RNF217: variants seen among roughly 807,000 people sequenced by gnomAD.
RNF217 encodes ring finger protein 217, also known as E3 ubiquitin-protein ligase RNF217.
RNF217 carries 31 observed loss-of-function variants against 57.8 expected under a neutral mutation model. That is an observed-to-expected ratio of 0.54 (90% CI 0.40 to 0.72). The LOEUF is 0.72. Among genes scored for constraint, RNF217 ranks in the 30% least tolerant of loss-of-function variants. The pLI, the probability that RNF217 is intolerant of heterozygous loss-of-function variation, is 0.00. For missense variants in RNF217, 696 were observed against 708.3 expected (o/e 0.98, Z 0.20); for synonymous variants, 313 against 294.0 (o/e 1.06, Z -0.66).
chr6:125,021,991 C>T (rs1303844258), intron 1 of RNF217, among the ~76,000 whole-genome samples: 2 of 151,924 alleles, frequency 1.3e-5, no homozygotes, highest in Non-Finnish European at 2.9e-5. Context: ...AAGCCATTCT[C>T]CTGCCTCAGC....
chr6:125,028,761 A>G (rs899676383), intron 1 of RNF217, among the ~76,000 whole-genome samples: 3 of 152,064 alleles, frequency 2.0e-5, no homozygotes, highest in African/African-American at 7.2e-5. Flanking sequence ...GCTTTTTAAA[A>G]TAAGGTTTTT....
At chr6:125,036,379 A>G (rs1419273171) in intron 1 of RNF217, among the ~76,000 whole-genome samples, 4 of 152,174 alleles carry the variant, frequency 2.6e-5, no homozygotes, top group Non-Finnish European at 5.9e-5. Flanking sequence ...TAGTGCTGCA[A>G]TAAACATACG....
At chr6:124,969,384 T>A (rs1170410066) in intron 1 of RNF217, among the ~76,000 whole-genome samples, 1 of 152,198 alleles carries the variant, frequency 6.6e-6, no homozygotes, top group African/African-American at 2.4e-5. Context: ...ATTCAGTTTG[T>A]CAGAAGGGTT....
At chr6:125,000,999 C>G (rs1309209348) in intron 1 of RNF217, among the ~76,000 whole-genome samples, 1 of 151,956 alleles carries the variant, frequency 6.6e-6, no homozygotes, top group Non-Finnish European at 1.5e-5. Flanking sequence ...CTAAAATGAC[C>G]TTGGAATATA....
In RNF217 at chr6:125,070,598, G is replaced by A. The variant is rs192373361; in HGVS notation, c.1282-6059G>A. 1.8e-4 allele frequency among the ~76,000 whole-genome samples: 28 copies of A among 152,254 alleles called. No individual in the cohort carries two copies. In the East Asian group the frequency reaches 4.8e-3, roughly 26 times the overall value. On this transcript the variant is annotated intron_variant, in intron 3 of 5. Coordinates refer to ENST00000521654, the MANE Select transcript of RNF217 (RefSeq NM_001286398.3). ...AATTTGCATTTCCCTGATAATTAGT[G>A]ATGCTGAGCATTTTTTCATATGTTT...
chr6:125,053,077 C>G (rs942962302), intron 2 of RNF217, among the ~76,000 whole-genome samples: 1 of 152,054 alleles, frequency 6.6e-6, no homozygotes, highest in Non-Finnish European at 1.5e-5. Flanking sequence ...GATGGACCCT[C>G]TATTCAAAGT....
At chr6:125,004,814 G>A (rs1486256652) in intron 1 of RNF217, among the ~76,000 whole-genome samples, 1 of 152,138 alleles carries the variant, frequency 6.6e-6, no homozygotes, top group African/African-American at 2.4e-5. Flanking sequence ...AACTATACAG[G>A]TTTTTTCAGT....
Position 124,963,276 on chromosome 6 carries a change from C to CTA in RNF217, c.733_734dup (p.Ser246ThrfsTer7). 3 of 1,535,998 alleles carry CTA rather than the reference C, an allele frequency of 2.0e-6. No homozygotes were observed. Among genetic ancestry groups the CTA allele is most frequent in the Non-Finnish European group, 2.6e-6 (3 of 1,146,842 alleles). Reference sequence around the variant, plus strand: ...TGCCCAGCCTGTTGGGAGCTCCACCCTACTCTGGCCTGGGCGGTGTAGGGG... The same window carrying CTA: ...TGCCCAGCCTGTTGGGAGCTCCACCCTATACTCTGGCCTGGGCGGTGTAGGGG... On this transcript the variant is annotated frameshift_variant, in exon 1 of 6. Coordinates refer to ENST00000521654, the MANE Select transcript of RNF217 (RefSeq NM_001286398.3). LOFTEE classifies it high-confidence loss of function.
At chr6:125,069,853 A>G (rs1054373803) in intron 3 of RNF217, among the ~76,000 whole-genome samples, 3 of 149,542 alleles carry the variant, frequency 2.0e-5, no homozygotes, top group African/African-American at 4.9e-5. Context: ...GTGAAATCTC[A>G]GGGGATTTTT....
At chr6:125,019,511 T>C (rs1785742292) in intron 1 of RNF217, among the ~76,000 whole-genome samples, 1 of 152,230 alleles carries the variant, frequency 6.6e-6, no homozygotes, top group Admixed American at 6.5e-5. Flanking sequence ...CTTATATGAC[T>C]ATTACATTCC....
chr6:125,073,665 G>A (rs573832426), intron 3 of RNF217, among the ~76,000 whole-genome samples: 1 of 152,192 alleles, frequency 6.6e-6, no homozygotes, highest in Admixed American at 6.5e-5. Context: ...CCACACACTT[G>A]CCTATCTAGG....
chr6:125,027,074 A>T (rs1403669914), intron 1 of RNF217, among the ~76,000 whole-genome samples: 1 of 151,992 alleles, frequency 6.6e-6, no homozygotes, highest in African/African-American at 2.4e-5. Context: ...AGCTGTTTTG[A>T]TGTAAGCATG....
chr6:124,976,263 C>T, intron 1 of RNF217, among the ~76,000 whole-genome samples: 1 of 125,616 alleles, frequency 8.0e-6, no homozygotes, highest in Non-Finnish European at 1.7e-5. Context: ...CCCTCCCTCC[C>T]TCCCTCCCTC....
chr6:125,046,473 G>A (rs940982335), intron 2 of RNF217: 25 of 408,770 alleles, frequency 6.1e-5, no homozygotes, highest in Non-Finnish European at 8.3e-5. Flanking sequence ...AGTGCCCCAG[G>A]CCCACCCCAG....
At chr6:125,044,567 A>G (rs980063496) in intron 1 of RNF217, among the ~76,000 whole-genome samples, 2 of 152,068 alleles carry the variant, frequency 1.3e-5, no homozygotes, top group Non-Finnish European at 2.9e-5. Flanking sequence ...GCCAGATTTC[A>G]TAAGGATGTT....
At position 125,086,461 on chromosome 6, in the gene RNF217, A is replaced by C. The variant is rs947673359; in HGVS notation, c.*3524A>C. 3 of 152,096 alleles carry C rather than the reference A, an allele frequency of 2.0e-5. No individual in the cohort carries two copies. The highest frequency in any genetic ancestry group is 4.4e-5 in the Non-Finnish European group (3 of 67,998). 9.4% of individuals were successfully genotyped at this position (152,096 alleles called of 1,614,324 possible). A position where few individuals can be genotyped will look rare whatever the true frequency, so the allele number is the denominator to read the frequency against. On this transcript the variant is annotated 3_prime_UTR_variant, in exon 6 of 6. Coordinates refer to ENST00000521654, the MANE Select transcript of RNF217 (RefSeq NM_001286398.3). ...TGATACTTTTCGCATTTTTAGTAACACTATCCACTTTTGTGTATGTTGCTT... is the reference window on the plus strand; with the variant it reads ...TGATACTTTTCGCATTTTTAGTAACCCTATCCACTTTTGTGTATGTTGCTT...
At chr6:124,997,981 C>T (rs369965876) in intron 1 of RNF217, among the ~76,000 whole-genome samples, 2 of 152,120 alleles carry the variant, frequency 1.3e-5, no homozygotes, top group East Asian at 1.9e-4. Flanking sequence ...TGCCTGACTC[C>T]GGCATTCCTT....
At chr6:124,975,946 T>C (rs1307376325) in intron 1 of RNF217, among the ~76,000 whole-genome samples, 2 of 151,700 alleles carry the variant, frequency 1.3e-5, no homozygotes, top group Non-Finnish European at 2.9e-5. Flanking sequence ...TCCTATGTTA[T>C]CATTTTTCTT....
At chr6:124,966,457 A>C (rs910529021) in intron 1 of RNF217, among the ~76,000 whole-genome samples, 1 of 152,242 alleles carries the variant, frequency 6.6e-6, no homozygotes, top group African/African-American at 2.4e-5. Flanking sequence ...AAGGTCTCTT[A>C]GGTTTGACAG....
Sources: allele counts gnomAD v4.1 joint callset (sites outside exome capture counted in the v4.1 genomes callset), GRCh38; gene constraint gnomAD v4.1.1; transcripts MANE v1.5; gene names NCBI Gene and HGNC (gene_info 2026-07-23, HGNC 2026-07-21).